The following STK3 variants were observed in gnomAD, a reference collection of about 807,000 sequenced individuals.
STK3 encodes serine/threonine kinase 3, also known as serine/threonine-protein kinase 3.
STK3 carries 41 observed loss-of-function variants against 58.0 expected under a neutral mutation model. The observed-to-expected ratio is 0.71, with a 90% confidence interval of 0.55 to 0.92. The LOEUF is 0.92. Ranked by LOEUF, STK3 falls within the 40% of genes least tolerant of loss-of-function variation. The pLI is 0.00. For missense variants in STK3, 479 were observed against 602.7 expected (o/e 0.79, Z 2.15); for synonymous variants, 170 against 191.0 (o/e 0.89, Z 0.91).
chr8:98,699,980 G>T (rs1738110980), intron 6 of STK3, among the ~76,000 whole-genome samples: 1 of 152,238 alleles, frequency 6.6e-6, no homozygotes, highest in South Asian at 2.1e-4. Flanking sequence ...GAAGCCTACA[G>T]AGGCAGGCAG....
In STK3 at chr8:98,409,470, G is replaced by A. The variant is rs909171339; in HGVS notation, n.484-7957C>T. On this transcript the variant is annotated intron_variant and non_coding_transcript_variant, in intron 3 of 3. Transcript: ENST00000517832. ...TCCTTCCCAAGGCAACTCTGCCATC[G>A]ACATCTTCCATGCTGTCTGGCCAGC... Among the ~76,000 whole-genome samples the A allele has an allele frequency of 7.2e-5, 11 of 152,258 alleles. No individual in the cohort carries two copies. In the South Asian group the frequency reaches 1.7e-3, roughly 23 times the overall value.
chr8:98,864,512 A>T (rs1183552907), intron 3 of STK3, among the ~76,000 whole-genome samples: 1 of 152,222 alleles, frequency 6.6e-6, no homozygotes, highest in Non-Finnish European at 1.5e-5. Flanking sequence ...CTGTTTTCAT[A>T]TAACTAAACT....
chr8:98,399,023 C>T (rs894501634), downstream of STK3, among the ~76,000 whole-genome samples: 5 of 152,182 alleles, frequency 3.3e-5, no homozygotes, highest in African/African-American at 7.2e-5. Context: ...TGGCTACAGA[C>T]GTTCACTGCA....
chr8:98,594,796 T>C (rs1410485945), intron 7 of STK3: 1 of 152,164 alleles, frequency 6.6e-6, no homozygotes, highest in Non-Finnish European at 1.5e-5. Context: ...CGCAAAAGTC[T>C]CATAAACAGT....
downstream of STK3, among the ~76,000 whole-genome samples, chr8:98,450,502 A>C (rs1256536658): frequency 6.6e-6 from 1 of 152,224 alleles, no homozygotes; most frequent in Non-Finnish European, 1.5e-5. Context: ...GCAAAAGAAC[A>C]ACTGGGATTT....
intron 6 of STK3, among the ~76,000 whole-genome samples, chr8:98,661,558 C>A (rs1821966962): frequency 6.6e-6 from 1 of 151,962 alleles, no homozygotes; most frequent in Admixed American, 6.6e-5. Flanking sequence ...AGTGACATAA[C>A]AACAACAACA....
At chr8:98,869,204 C>T (rs1564072571) in intron 3 of STK3, among the ~76,000 whole-genome samples, 1 of 151,466 alleles carries the variant, frequency 6.6e-6, no homozygotes, top group South Asian at 2.1e-4. Context: ...GTGGATCACT[C>T]GAGCCCAGGA....
At chr8:98,916,403 G>A (rs1002581469) in intron 1 of STK3, among the ~76,000 whole-genome samples, 3 of 152,272 alleles carry the variant, frequency 2.0e-5, no homozygotes, top group Admixed American at 2.0e-4. Flanking sequence ...GACAGAGCAA[G>A]ACACCACCTC....
At chr8:98,771,886 C>A (rs1587574642) in intron 2 of STK3, among the ~76,000 whole-genome samples, 1 of 152,160 alleles carries the variant, frequency 6.6e-6, no homozygotes. Flanking sequence ...CTGCACCTGG[C>A]CCATATTTAT....
chr8:98,466,207 A>C lies in STK3; in HGVS notation c.1318-10207T>G, dbSNP rs1026413173. Among the ~76,000 whole-genome samples the C allele has an allele frequency of 7.2e-5, 11 of 152,332 alleles. No homozygotes were observed. In the East Asian group the frequency reaches 1.9e-3, roughly 27 times the overall value. ...TACTTCAATTTAAGAAAAACATTAT[A>C]TGAGAAATATTTGTTATGGAAGATC... On this transcript the variant is annotated intron_variant, in intron 10 of 10. Transcript: ENST00000419617.
chr8:98,805,938 T>C (rs1349849825), intron 1 of STK3, among the ~76,000 whole-genome samples: 3 of 152,048 alleles, frequency 2.0e-5, no homozygotes, highest in Non-Finnish European at 4.4e-5. Context: ...TCTACCACTG[T>C]CCCCACCCAT....
At chr8:98,919,170 C>A (rs1341814322) in intron 1 of STK3, among the ~76,000 whole-genome samples, 2 of 152,116 alleles carry the variant, frequency 1.3e-5, no homozygotes, top group African/African-American at 4.8e-5. Context: ...GTTGAGGGAC[C>A]CCTCATATGC....
chr8:98,407,735 T>C (rs1485647615), intron 3 of STK3, among the ~76,000 whole-genome samples: 1 of 148,938 alleles, frequency 6.7e-6, no homozygotes, highest in Non-Finnish European at 1.5e-5. Flanking sequence ...TGTGTGTGTG[T>C]GTGTGTGTGT....
intron 1 of STK3, among the ~76,000 whole-genome samples, chr8:98,894,467 G>A (rs1206086742): frequency 1.3e-5 from 2 of 152,018 alleles, no homozygotes; most frequent in African/African-American, 4.8e-5. Flanking sequence ...CATCAATGAG[G>A]GCCACCTTGA....
At chr8:98,612,481 A>T (rs1817281434) in intron 6 of STK3, among the ~76,000 whole-genome samples, 1 of 133,534 alleles carries the variant, frequency 7.5e-6, no homozygotes, top group African/African-American at 3.5e-5. Flanking sequence ...AGAGATTCTA[A>T]TATATATATA....
At chr8:98,873,088 C>T (rs547711673) in intron 3 of STK3, among the ~76,000 whole-genome samples, 4 of 152,156 alleles carry the variant, frequency 2.6e-5, no homozygotes, top group East Asian at 3.9e-4. Flanking sequence ...GCCTTCATTT[C>T]ATTATGTACC....
chr8:98,849,138 A>C (rs1030638165), intron 3 of STK3, among the ~76,000 whole-genome samples: 1 of 150,970 alleles, frequency 6.6e-6, no homozygotes, highest in African/African-American at 2.4e-5. Context: ...AGGCAGGAGA[A>C]TGGCGTGAAC....
chr8:98,365,380 A>G, the STK3 span, among the ~76,000 whole-genome samples: 1 of 152,212 alleles, frequency 6.6e-6, no homozygotes, highest in Admixed American at 6.5e-5. Context: ...AGTTGTTCCC[A>G]TGATTGATGA....
intron 1 of STK3, among the ~76,000 whole-genome samples, chr8:98,925,500 C>T (rs781296570): frequency 1.3e-5 from 2 of 152,220 alleles, no homozygotes; most frequent in Non-Finnish European, 2.9e-5. Flanking sequence ...ACCTGAGGGA[C>T]TCAGGTTTTG....
Sources: allele counts gnomAD v4.1 joint callset (sites outside exome capture counted in the v4.1 genomes callset), GRCh38; gene constraint gnomAD v4.1.1; transcripts MANE v1.5; gene names NCBI Gene and HGNC (gene_info 2026-07-23, HGNC 2026-07-21).